The following CCDC88A variants were observed in gnomAD, a reference collection of about 807,000 sequenced individuals.
CCDC88A encodes the protein coiled-coil and HOOK domain protein 88A, also known as girdin.
Under a neutral mutation model 234.3 loss-of-function variants are expected in CCDC88A, and 54 were observed. That is an observed-to-expected ratio of 0.23 (90% CI 0.19 to 0.29). The LOEUF (loss-of-function observed/expected upper bound fraction) is 0.29, where lower values mean the gene tolerates loss of function less well. CCDC88A is among the 10% of genes least tolerant of loss of function. The pLI is 1.00. For missense variants in CCDC88A, 1,832 were observed against 2,123.4 expected, an observed-to-expected ratio of 0.86 and a Z score of 2.70; for synonymous variants, 753 against 737.8, an observed-to-expected ratio of 1.02 and a Z score of -0.33.
chr2:55,343,449 G>A (rs1486552556), intron 12 of CCDC88A, among the ~76,000 whole-genome samples, 199 bp downstream of exon 12: 1 of 152,048 alleles, frequency 6.6e-6, no homozygotes, highest in East Asian at 1.9e-4. Flanking sequence ...TTGCATTCAT[G>A]AAATTCAGTT....
rs1681997734 is a variant in CCDC88A at position 55,309,094 on chromosome 2, T to C, written c.4172+68A>G. The stretch of plus-strand genomic sequence containing the variant: ...AAATCCTTCACAAAAGTAGAAGTCA[T>C]CACAATATTAGAAATAACCTAGTGT... On this transcript the variant is annotated intron_variant, in intron 24 of 32. Transcript: ENST00000436346. The surrounding 1 kb of genome is among the most constrained non-coding windows in gnomAD (Gnocchi z 5.1). 9 of 1,455,828 alleles carry C rather than the reference T, an allele frequency of 6.2e-6. No individual in the cohort carries two copies. The highest frequency in any genetic ancestry group is 1.4e-5 in the African/African-American group (1 of 71,110). 90.2% of individuals were successfully genotyped at this position (1,455,828 alleles called of 1,614,324 possible). A position where few individuals can be genotyped will look rare whatever the true frequency, so the allele number is the denominator to read the frequency against.
chr2:55,412,487 C>A (rs1045976460), intron 2 of CCDC88A, among the ~76,000 whole-genome samples: 2 of 152,192 alleles, frequency 1.3e-5, no homozygotes, highest in African/African-American at 2.4e-5. Context: ...GTCAGATCAA[C>A]AACAGCATTA....
At chr2:55,395,748 A>C (rs1023582555) in intron 2 of CCDC88A, among the ~76,000 whole-genome samples, 7 of 152,222 alleles carry the variant, frequency 4.6e-5, no homozygotes, top group African/African-American at 1.7e-4. Flanking sequence ...ATAGAGTCCT[A>C]AACTACAATT....
intron 3 of CCDC88A, among the ~76,000 whole-genome samples, chr2:55,377,803 T>C (rs1673932782): frequency 7.1e-6 from 1 of 140,068 alleles, no homozygotes; most frequent in Non-Finnish European, 1.6e-5. Flanking sequence ...AGACAGGGTT[T>C]CACCATGTTG....
intron 32 of CCDC88A, 175 bp from the exon 33 acceptor site, chr2:55,291,339 C>T (rs1679430482): frequency 6.2e-6 from 1 of 161,172 alleles, no homozygotes. Context: ...ATAGAATAGG[C>T]ATTTAGTCAT....
chr2:55,394,524 T>C (rs13010255), intron 2 of CCDC88A: 45,359 of 151,674 alleles, frequency 0.3, 7,162 homozygotes, highest in East Asian at 0.54. Flanking sequence ...TCCACGATGG[T>C]TGAACTAGTC....
intron 17 of CCDC88A, among the ~76,000 whole-genome samples, chr2:55,324,864 T>C (rs535593734): frequency 6.6e-6 from 1 of 152,330 alleles, no homozygotes; most frequent in Admixed American, 6.5e-5. Flanking sequence ...CAGGCTCGTC[T>C]TGAACTCCTG....
chr2:55,362,088 A>T (rs1671394731), intron 7 of CCDC88A: 1 of 375,934 alleles, frequency 2.7e-6, no homozygotes, highest in Middle Eastern at 6.9e-4. Context: ...GAATAATACT[A>T]ATTTAAAAGA....
At chr2:55,367,129 G>A (rs554659375) in intron 5 of CCDC88A, among the ~76,000 whole-genome samples, 41 of 152,192 alleles carry the variant, frequency 2.7e-4, no homozygotes, top group African/African-American at 8.4e-4. Context: ...AAGACATTAC[G>A]CTAAGTGAAA....
At chr2:55,299,027 C>T (rs1680556665) in intron 29 of CCDC88A, among the ~76,000 whole-genome samples, 1 of 152,108 alleles carries the variant, frequency 6.6e-6, no homozygotes, top group South Asian at 2.1e-4. Context: ...TGGTGAAACC[C>T]TGTCTCCACT....
At chr2:55,399,517 ACT>A (rs1193277160) in intron 2 of CCDC88A, among the ~76,000 whole-genome samples, 3 of 138,088 alleles carry the variant, frequency 2.2e-5, no homozygotes, top group Non-Finnish European at 4.6e-5. Context: ...ACAGAATGAG[ACT>A]CTGTCTCAAA....
At chr2:55,321,797 T>C (rs1185611721) in intron 18 of CCDC88A, among the ~76,000 whole-genome samples, 2 of 151,944 alleles carry the variant, frequency 1.3e-5, no homozygotes, top group African/African-American at 4.8e-5. Context: ...GACAAGAAAA[T>C]TTTCTAGGAA....
At chr2:55,348,499 T>C (rs1302785827) in intron 9 of CCDC88A, 2 of 151,372 alleles carry the variant, frequency 1.3e-5, no homozygotes, top group Non-Finnish European at 2.9e-5. Context: ...GGTTTCGAAC[T>C]CCTGACCTCT....
chr2:55,393,289 G>GTTGT (rs1676961520), intron 2 of CCDC88A, among the ~76,000 whole-genome samples: 1 of 61,658 alleles, frequency 1.6e-5, no homozygotes, highest in Non-Finnish European at 2.7e-5. Flanking sequence ...GGTTTTTTGG[G>GTTGT]TTTTTTTTTT....
At chr2:55,325,457 T>C (rs868652133) in intron 17 of CCDC88A, among the ~76,000 whole-genome samples, 35 of 152,360 alleles carry the variant, frequency 2.3e-4, no homozygotes, top group African/African-American at 7.7e-4. Context: ...TCTGTAAATA[T>C]AGTCATGTCA....
intron 17 of CCDC88A, among the ~76,000 whole-genome samples, chr2:55,326,579 T>C (rs1190598709): frequency 1.3e-5 from 2 of 152,320 alleles, no homozygotes; most frequent in South Asian, 2.1e-4. Context: ...ATGGCTTTTT[T>C]TGAGACAGGG....
intron 14 of CCDC88A, among the ~76,000 whole-genome samples, chr2:55,336,463 A>G (rs1685473494): frequency 6.6e-6 from 1 of 152,110 alleles, no homozygotes; most frequent in East Asian, 1.9e-4. Context: ...GATGATTATT[A>G]AGCACAATGG....
chr2:55,344,749 G>A (rs767436115), intron 10 of CCDC88A, among the ~76,000 whole-genome samples: 4 of 151,982 alleles, frequency 2.6e-5, no homozygotes, highest in Non-Finnish European at 4.4e-5. Context: ...TTAAATTGTC[G>A]GGGTATATTT....
At chr2:55,416,439 AATAAATATATATAT>A (rs1248809363) in intron 2 of CCDC88A, among the ~76,000 whole-genome samples, 7 of 25,586 alleles carry the variant, frequency 2.7e-4, no homozygotes, top group South Asian at 3.4e-3. Flanking sequence ...TAAATAAATA[AATAAATATATATAT>A]ATATATATAT....
Sources: gnomAD v4.1 joint callset for allele counts (sites outside exome capture counted in the v4.1 genomes callset) on GRCh38, gnomAD v4.1.1 for gene constraint, Gnocchi (gnomAD v3.1) non-coding constraint, MANE v1.5 for transcripts, NCBI Gene and HGNC (gene_info 2026-07-23, HGNC 2026-07-21) for gene names.